Variants in RP1L1 observed in about 807,000 individuals in gnomAD.
RP1L1 encodes the protein RP1 like 1.
In RP1L1, 27 loss-of-function variants were observed where a neutral mutation model predicts 15.7. That is an observed-to-expected ratio of 1.72 (90% CI 1.27 to 2.38). The LOEUF (loss-of-function observed/expected upper bound fraction) is 2.38. Among genes scored for constraint, RP1L1 ranks in the 30% most tolerant of loss-of-function variants. RP1L1 has a pLI of 0.00. For missense variants in RP1L1, 4,798 were observed against 3,075.9 expected (o/e 1.56, Z -13.24); for synonymous variants, 1,813 against 1,276.7 (o/e 1.42, Z -8.96).
rs1458491829 is a variant in RP1L1 at position 10,616,571 on chromosome 8, G to A, written c.626C>T (p.Ala209Val). ...CAGCACAGAGGGGCTGTGCAGCAGG[G>A]CCTGCAGCGAGTCCACCTGAGGGAG... Reference protein sequence around the residue: ...TSGKKVDSLQALLHSPSVLVC... With the variant: ...TSGKKVDSLQVLLHSPSVLVC... Residue 209 changes from alanine to valine, a missense_variant, in exon 3 of 4, where the codon GCC becomes GTC. Transcript: ENST00000382483. 1.2e-5 allele frequency: 19 copies of A among 1,612,730 alleles called. No individual in the cohort carries two copies. Among genetic ancestry groups the A allele is most frequent in the Non-Finnish European group, 1.5e-5 (18 of 1,179,876 alleles).
chr8:10,608,787 C>A lies in RP1L1; in HGVS notation c.5311G>T (p.Glu1771Ter), dbSNP rs749707710. ...GEAEGDAMAQ[E>*]REGKTHNSET... ...CTGTTGTGGGTTTTCCCTTCTCTCTCCTGAGCCATTGCATCTCCCTCTGCC... is the reference window on the plus strand; with the variant it reads ...CTGTTGTGGGTTTTCCCTTCTCTCTACTGAGCCATTGCATCTCCCTCTGCC... Residue 1771 changes from glutamate (E) to a stop codon, truncating the protein, a stop_gained, in exon 4 of 4, where the codon GAG becomes TAG. Transcript: ENST00000382483. LOFTEE classifies it low-confidence loss of function (END_TRUNC). The A allele has an allele frequency of 2.5e-6, 4 of 1,614,228 alleles. No individual in the cohort carries two copies. Among genetic ancestry groups the A allele is most frequent in the Non-Finnish European group, 3.4e-6 (4 of 1,180,048 alleles).
At chr8:10,641,522 A>G (rs1798406658) in intron 1 of RP1L1, among the ~76,000 whole-genome samples, 1 of 152,382 alleles carries the variant, frequency 6.6e-6, no homozygotes, top group Middle Eastern at 3.4e-3. Context: ...ATGTGAGGAG[A>G]AAACACACCA....
intron 2 of RP1L1, among the ~76,000 whole-genome samples, chr8:10,622,094 G>T (rs1264256476): frequency 6.6e-6 from 1 of 152,062 alleles, no homozygotes; most frequent in Non-Finnish European, 1.5e-5. Flanking sequence ...GGCCGAATCG[G>T]GCAGATCACC....
intron 1 of RP1L1, among the ~76,000 whole-genome samples, chr8:10,649,178 A>G (rs1363263487): frequency 6.6e-6 from 1 of 152,214 alleles, no homozygotes; most frequent in Non-Finnish European, 1.5e-5. Flanking sequence ...AGATTCAAAC[A>G]ACCCACAGAC....
intron 1 of RP1L1, among the ~76,000 whole-genome samples, chr8:10,644,606 T>C (rs1798450200): frequency 6.6e-6 from 1 of 152,192 alleles, no homozygotes; most frequent in African/African-American, 2.4e-5. Flanking sequence ...TCCCTGGACC[T>C]CAGCTCTTTA....
At chr8:10,625,133 T>G (rs1798136692) in intron 1 of RP1L1, among the ~76,000 whole-genome samples, 1 of 152,236 alleles carries the variant, frequency 6.6e-6, no homozygotes, top group African/African-American at 2.4e-5. Flanking sequence ...TTCCCCTTGC[T>G]GGTTTCCTCC....
rs1243183201 is a variant in RP1L1, at chr8:10,612,833, G to A, written c.1265C>T (p.Ala422Val). The A allele has an allele frequency of 6.2e-7, 1 of 1,612,288 alleles. No homozygotes were observed. Among genetic ancestry groups the A allele is most frequent in the Non-Finnish European group, 8.5e-7 (1 of 1,179,844 alleles). The change falls in exon 4 of 4, where the codon GCT becomes GTT. Residue 422 changes from alanine to valine, a missense_variant. By Grantham distance (64) the Ala-to-Val change is moderately conservative. Coordinates refer to ENST00000382483, the MANE Select transcript of RP1L1 (RefSeq NM_178857.6). ...CTGGGCCAGTCCCCACCTCTTCCGA[G>A]CTGCCACTCTCTCTCCCTGGGAGGC... ...LHASQGERVA[A>V]RKRWGLAQHV...
rs1240760978 is a variant in RP1L1 at position 10,610,060 on chromosome 8, T to C, written c.4038A>G (p.Gly1346=). ...VQLEETKETE[G]EGQQEEEAQL... ...GCGCCTCTTCTTCTTGCTGTCCTTC[T>C]CCTTCTGTTTCTTTAGTTTCCTCTA... The change falls in exon 4 of 4, where the codon GGA becomes GGG. Residue 1346 remains glycine (G), a synonymous_variant. Transcript: ENST00000382483. 4 of 952,118 alleles carry C rather than the reference T, an allele frequency of 4.2e-6. No homozygotes were observed. Among genetic ancestry groups the C allele is most frequent in the South Asian group, 1.5e-5 (1 of 68,202 alleles). The allele number at this position is 952,118 out of a possible 1,614,324, so 59.0% of individuals were successfully genotyped here.
intron 1 of RP1L1, among the ~76,000 whole-genome samples, chr8:10,634,053 C>T (rs1054365723): frequency 1.4e-4 from 22 of 152,246 alleles, no homozygotes; most frequent in African/African-American, 4.8e-4. Context: ...AGCCTCAGCT[C>T]CTACAACAAG....
chr8:10,622,033 A>C (rs1405250456), intron 2 of RP1L1, among the ~76,000 whole-genome samples: 2 of 152,184 alleles, frequency 1.3e-5, no homozygotes, highest in East Asian at 1.9e-4. Flanking sequence ...ATAAGAGTAC[A>C]CAAGGCTGCT....
intron 1 of RP1L1, among the ~76,000 whole-genome samples, chr8:10,634,479 C>A (rs1383736083): frequency 1.3e-5 from 2 of 152,158 alleles, no homozygotes; most frequent in Non-Finnish European, 2.9e-5. Flanking sequence ...ACAAAGAATG[C>A]AAAACAGCCG....
intron 1 of RP1L1, among the ~76,000 whole-genome samples, chr8:10,625,362 G>A (rs1388341217): frequency 6.6e-6 from 1 of 152,188 alleles, no homozygotes; most frequent in Non-Finnish European, 1.5e-5. Flanking sequence ...TGGGGCGTGA[G>A]TCCAGGAACC....
chr8:10,632,796 C>T (rs972518395), intron 1 of RP1L1, among the ~76,000 whole-genome samples: 1 of 152,178 alleles, frequency 6.6e-6, no homozygotes, highest in Non-Finnish European at 1.5e-5. Flanking sequence ...ATAGGATGGA[C>T]GAGGTCAAGA....
intron 1 of RP1L1, among the ~76,000 whole-genome samples, chr8:10,649,405 A>G (rs1798526309): frequency 6.6e-6 from 1 of 152,164 alleles, no homozygotes; most frequent in Admixed American, 6.5e-5. Flanking sequence ...AATCCTCAGG[A>G]TCAAGGGCTT....
intron 3 of RP1L1, among the ~76,000 whole-genome samples, chr8:10,615,505 C>T (rs1405771181): frequency 2.6e-5 from 4 of 152,144 alleles, no homozygotes; most frequent in African/African-American, 9.7e-5. Context: ...AGGCACACGG[C>T]CCATTGCTGC....
chr8:10,652,720 T>A (rs1170999244), intron 1 of RP1L1, among the ~76,000 whole-genome samples: 1 of 151,958 alleles, frequency 6.6e-6, no homozygotes, highest in Non-Finnish European at 1.5e-5. Context: ...CAAGATTCCA[T>A]CTGCAGCCTG....
chr8:10,608,913 C>G lies in RP1L1; in HGVS notation c.5185G>C (p.Gly1729Arg). ...CCCTGGCTCAGCCCCGGCCCCAGCC[C>G]TCCCTCAGCTCCCTGGACAGTCCTA... ...STRTVQGAEG[G>R]LGPGLSQGPG... The change falls in exon 4 of 4, where the codon GGG becomes CGG. Residue 1729 changes from glycine (G) to arginine (R), a missense_variant. Gly to Arg is a moderately radical substitution (Grantham distance 125). Transcript: ENST00000382483. 4 of 1,614,088 alleles carry G rather than the reference C, an allele frequency of 2.5e-6. No individual in the cohort carries two copies. Among genetic ancestry groups the G allele is most frequent in the Non-Finnish European group, 3.4e-6 (4 of 1,180,034 alleles).
chr8:10,608,215 T>A lies in RP1L1; in HGVS notation c.5883A>T (p.Ile1961=). 6.3e-7 allele frequency: 1 copy of A among 1,575,648 alleles called. No homozygotes were observed. The highest frequency in any genetic ancestry group is 8.6e-7 in the Non-Finnish European group (1 of 1,161,504). The change falls in exon 4 of 4, where the codon ATA becomes ATT. Residue 1961 remains isoleucine (I), a synonymous_variant. Coordinates refer to ENST00000382483, the MANE Select transcript of RP1L1 (RefSeq NM_178857.6). The stretch of plus-strand genomic sequence containing the variant: ...CTTCCTCTTCTGCCTCCTGGGACTC[T>A]ATAACTTCTGACTCTGGCTGGGTCT... ...EGQTQPESEV[I]ESQEAEEEAQ... is the part of the protein sequence containing the mutation.
chr8:10,609,948 C>T lies in RP1L1; in HGVS notation c.4150G>A (p.Gly1384Arg). Residue 1384 changes from glycine to arginine, a missense_variant, in exon 4 of 4, where the codon GGA (glycine) becomes AGA (arginine). Physicochemically the swap from Gly to Arg is moderately radical, Grantham distance 125 (BLOSUM62 -2). Transcript: ENST00000382483. ...LEEVKEGPEGGLQGEALEEGL... is the reference protein window; with the variant it reads ...LEEVKEGPEGRLQGEALEEGL... The stretch of plus-strand genomic sequence containing the variant: ...TCTTCAAGAGCCTCTCCTTGCAGTC[C>T]TCCTTCTGGCCCTTCTTTAACTTCC... The T allele has an allele frequency of 2.5e-6, 4 of 1,594,054 alleles. No homozygotes were observed. The highest frequency in any genetic ancestry group is 1.4e-5 in the African/African-American group (1 of 72,064).
Sources: allele counts gnomAD v4.1 joint callset (sites outside exome capture counted in the v4.1 genomes callset), GRCh38; gene constraint gnomAD v4.1.1; transcripts MANE v1.5; gene names NCBI Gene and HGNC (gene_info 2026-07-23, HGNC 2026-07-21).